Variants in RABL6 observed in about 807,000 individuals in gnomAD.
The protein encoded by RABL6 is RAB, member RAS oncogene family like 6.
A neutral mutation model predicts 72.9 loss-of-function variants in RABL6; 28 were observed. The observed-to-expected ratio is 0.38, with a 90% CI of 0.28 to 0.53. The LOEUF is 0.53. RABL6 is among the 20% of genes least tolerant of loss of function. The probability of loss-of-function intolerance (pLI) is 0.80; values close to 1 mark genes in which losing one functional copy is unlikely to be tolerated. For missense variants in RABL6, 1,029 were observed against 1,008.4 expected, an observed-to-expected ratio of 1.02 and a Z score of -0.28; for synonymous variants, 477 against 421.2, an observed-to-expected ratio of 1.13 and a Z score of -1.62.
intron 2 of RABL6, 145 bp from the exon 3 acceptor site, chr9:136,825,634 G>A (rs2131181182): frequency 1.2e-6 from 1 of 849,916 alleles, no homozygotes; most frequent in Non-Finnish European, 2.0e-6. Context: ...CGTCTGGGGA[G>A]GACACATCCC....
intron 1 of RABL6, among the ~76,000 whole-genome samples, chr9:136,821,019 A>C (rs561565311): frequency 4.9e-4 from 74 of 152,174 alleles, no homozygotes; most frequent in Non-Finnish European, 9.0e-4. Flanking sequence ...GTGTGACCCC[A>C]ACTCTCCGAC....
In RABL6 at chr9:136,818,381, A is replaced by C. The variant is rs868382438; in HGVS notation, c.131-5144A>C. ...CTGTCTCAAAAAAAAAAAAAAAAAA[A>C]AAAAAAAAAAAAAAAAAAAAAAACC... On this transcript the variant is annotated intron_variant, in intron 1 of 14. Coordinates refer to ENST00000311502, the MANE Select transcript of RABL6 (RefSeq NM_024718.5). 3.4e-4 allele frequency among the ~76,000 whole-genome samples: 42 copies of C among 122,358 alleles called. 1 individual carries two copies. The East Asian group carries it at 6.3e-3, about 18-fold the overall frequency. The allele number at this position is 122,358 out of a possible 152,430, so 80.3% of individuals were successfully genotyped here.
At position 136,840,993 on chromosome 9, in the gene RABL6, A is replaced by G. The variant is rs1848687225; in HGVS notation, c.*471A>G. The G allele has an allele frequency of 6.9e-7, 1 of 1,445,288 alleles. No homozygotes were observed. The highest frequency in any genetic ancestry group is 9.1e-7 in the Non-Finnish European group (1 of 1,096,082). 89.5% of individuals were successfully genotyped at this position (1,445,288 alleles called of 1,614,324 possible). A position where few individuals can be genotyped will look rare whatever the true frequency, so the allele number is the denominator to read the frequency against. On this transcript the variant is annotated 3_prime_UTR_variant, in exon 15 of 15. Coordinates refer to ENST00000311502, the MANE Select transcript of RABL6 (RefSeq NM_024718.5). ...AACACGGGTGTGCAGACTCACCCTA[A>G]AGGGCGGCCCAGGCCCCACGCTAGA... is the stretch of plus-strand genomic sequence containing the variant.
intron 1 of RABL6, chr9:136,821,284 C>CG (rs919304463): frequency 3.0e-5 from 29 of 971,768 alleles, no homozygotes; most frequent in Non-Finnish European, 3.5e-5. Flanking sequence ...GGAAAACGGG[C>CG]GGTCGCTGTG....
intron 13 of RABL6, 138 bp from the exon 14 acceptor site, chr9:136,840,016 C>A: frequency 1.4e-6 from 2 of 1,471,618 alleles, no homozygotes; most frequent in Non-Finnish European, 9.4e-7. Context: ...CTGATGTTTG[C>A]AGTGTGGTCC....
chr9:136,835,924 A>C, intron 8 of RABL6, 79 bp downstream of exon 8: 1 of 1,324,286 alleles, frequency 7.6e-7, no homozygotes, highest in Non-Finnish European at 1.1e-6. Context: ...GGCTGCACCA[A>C]GGAGACAGCA....
intron 5 of RABL6, among the ~76,000 whole-genome samples, chr9:136,831,439 G>T (rs116996854): frequency 0.027 from 4,043 of 152,296 alleles, 73 homozygotes; most frequent in Middle Eastern, 0.041. Context: ...GACATGGGGT[G>T]CTCTGAGGGA....
chr9:136,839,574 G>A (rs1666065201), intron 12 of RABL6, 88 bp downstream of exon 12: 5 of 1,552,466 alleles, frequency 3.2e-6, no homozygotes, highest in Non-Finnish European at 4.4e-6. Context: ...GTGGGAGGAG[G>A]CTTCTGGAAG....
rs756724295 is a variant in RABL6 at position 136,837,335 on chromosome 9, C to T, written c.810-11C>T. The stretch of plus-strand genomic sequence containing the variant: ...GGGAGCCAGGCTTCTCACCCGCCTT[C>T]TGCCTTTCAGCTTCCTGGAGATGAT... On this transcript the variant is annotated splice_polypyrimidine_tract_variant and intron_variant, in intron 8 of 14. Transcript: ENST00000311502. 1 of 1,600,884 alleles carries T rather than the reference C, an allele frequency of 6.2e-7. No individual in the cohort carries two copies. The highest frequency in any genetic ancestry group is 1.1e-5 in the South Asian group (1 of 89,006).
chr9:136,837,420 C>T lies in RABL6; in HGVS notation c.884C>T (p.Pro295Leu), dbSNP rs756775083. The T allele has an allele frequency of 4.2e-5, 67 of 1,585,036 alleles. No homozygotes were observed. The highest frequency in any genetic ancestry group is 5.4e-5 in the Admixed American group (3 of 55,914). The change falls in exon 9 of 15, where the codon CCG becomes CTG. Residue 295 changes from proline (P) to leucine (L), a missense_variant. By Grantham distance (98) the Pro-to-Leu change is moderately conservative. Around this residue, in one of 2 missense-constraint regions of RABL6, gnomAD observed 434 missense variants for 536.1 expected, o/e 0.81. Coordinates refer to ENST00000311502, the MANE Select transcript of RABL6 (RefSeq NM_024718.5). ...PLAANGQSPSPGSQSPVVPAG... is the reference protein window; with the variant it reads ...PLAANGQSPSLGSQSPVVPAG... ...GCGGCCAACGGGCAGAGCCCATCCC[C>T]GGGCTCCCAGTCACCAGTGGTGCCT... is the stretch of plus-strand genomic sequence containing the variant.
At chr9:136,828,260 A>G (rs747129893) in intron 3 of RABL6, 23 of 529,186 alleles carry the variant, frequency 4.3e-5, no homozygotes, top group East Asian at 1.6e-4. Flanking sequence ...GTCAGCCCCA[A>G]CTAGCACCTC....
Position 136,840,372 on chromosome 9 carries a change from C to T in RABL6, c.2040C>T (p.Asp680=). ...KKKSKHKKSK[D]KEEGKEERRR... ...AGAGCAAACACAAGAAGAGCAAGGA[C>T]AAGGAGGAGGGCAAGGAGGAGCGGC... Residue 680 remains aspartate, a synonymous_variant, in exon 15 of 15, where the codon GAC becomes GAT. Coordinates refer to ENST00000311502, the MANE Select transcript of RABL6 (RefSeq NM_024718.5). 6.4e-7 allele frequency: 1 copy of T among 1,556,012 alleles called. No individual in the cohort carries two copies. Among genetic ancestry groups the T allele is most frequent in the Non-Finnish European group, 8.7e-7 (1 of 1,150,030 alleles).
chr9:136,828,507 G>C lies in RABL6; in HGVS notation c.327G>C (p.Lys109Asn). The C allele has an allele frequency of 6.2e-7, 1 of 1,613,328 alleles. No individual in the cohort carries two copies. The highest frequency in any genetic ancestry group is 8.5e-7 in the Non-Finnish European group (1 of 1,179,802). Reference protein sequence around the residue: ...WDVVDKGKCKKRGDGLKMEND... With the variant: ...WDVVDKGKCKNRGDGLKMEND... ...TTTTTAAATAAGGAAAATGCAAAAA[G>C]CGAGGCGACGGCTTAAAGATGGAGA... is the stretch of plus-strand genomic sequence containing the variant. Residue 109 changes from lysine (K) to asparagine (N), a missense_variant, in exon 4 of 15, where the codon AAG becomes AAC. Lys to Asn is a moderately conservative substitution (Grantham distance 94). Coordinates refer to ENST00000311502, the MANE Select transcript of RABL6 (RefSeq NM_024718.5).
At chr9:136,820,660 C>T (rs1271556324) in intron 1 of RABL6, among the ~76,000 whole-genome samples, 2 of 152,022 alleles carry the variant, frequency 1.3e-5, no homozygotes, top group Non-Finnish European at 2.9e-5. Flanking sequence ...CGTGAGCCAC[C>T]GTGCCCGGCC....
intron 7 of RABL6, 93 bp downstream of exon 7, chr9:136,832,463 T>A: frequency 9.6e-7 from 1 of 1,045,276 alleles, no homozygotes; most frequent in Non-Finnish European, 1.5e-6. Flanking sequence ...TCCTAACCCC[T>A]GAGAAAGCTG....
intron 7 of RABL6, chr9:136,832,894 G>T: frequency 3.1e-6 from 1 of 325,000 alleles, no homozygotes; most frequent in Admixed American, 4.4e-5. Flanking sequence ...ACAAGGGCCA[G>T]GCCAGCTGTG....
At position 136,825,920 on chromosome 9, in the gene RABL6, C is replaced by A; in HGVS notation, c.313+94C>A. 4 of 1,424,028 alleles carry A rather than the reference C, an allele frequency of 2.8e-6. No homozygotes were observed. The Admixed American group carries it at 6.8e-5, about 24-fold the overall frequency. The allele number at this position is 1,424,028 out of a possible 1,614,324, so 88.2% of individuals were successfully genotyped here. A position where few individuals can be genotyped will look rare whatever the true frequency, so the allele number is the denominator to read the frequency against. On this transcript the variant is annotated intron_variant, in intron 3 of 14. Coordinates refer to ENST00000311502, the MANE Select transcript of RABL6 (RefSeq NM_024718.5). ...CTTTCCCCCGGCGCCCATGCATCAC[C>A]CACCATCCTCGTGGACGGTGCCCAG... is the stretch of plus-strand genomic sequence containing the variant.
chr9:136,817,128 T>C (rs1265799353), intron 1 of RABL6, among the ~76,000 whole-genome samples: 2 of 152,118 alleles, frequency 1.3e-5, no homozygotes, highest in African/African-American at 4.8e-5. Flanking sequence ...TCATTAACGT[T>C]AAATCAGTCA....
intron 1 of RABL6, chr9:136,809,658 A>C (rs1012469721): frequency 1.9e-5 from 3 of 160,564 alleles, no homozygotes; most frequent in Non-Finnish European, 2.7e-5. Context: ...GTCCGAACCA[A>C]GGGCCGTATT....
Sources: allele counts gnomAD v4.1 joint callset (sites outside exome capture counted in the v4.1 genomes callset), GRCh38; gene constraint gnomAD v4.1.1; regional missense constraint gnomAD v4.1.1; transcripts MANE v1.5; gene names NCBI Gene and HGNC (gene_info 2026-07-23, HGNC 2026-07-21).